SUCLG2: variants seen among roughly 807,000 people sequenced by gnomAD.
SUCLG2 encodes the protein succinate-CoA ligase GDP-forming subunit beta, also known as succinate--CoA ligase [GDP-forming] subunit beta, mitochondrial.
In SUCLG2, 42 loss-of-function variants were observed where a neutral mutation model predicts 47.9. That is an observed-to-expected ratio of 0.88 (90% CI 0.69 to 1.14). SUCLG2 has a LOEUF of 1.14. SUCLG2 is among the 50% of genes most tolerant of loss of function. The pLI, the probability that SUCLG2 is intolerant of heterozygous loss-of-function variation, is 0.00. For synonymous variants in SUCLG2, 195 were observed against 197.3 expected (o/e 0.99, Z 0.10); for missense variants, 571 against 525.9 (o/e 1.09, Z -0.84).
At chr3:67,376,327 C>A (rs1702034607) in intron 10 of SUCLG2, 2 of 985,304 alleles carry the variant, frequency 2.0e-6, no homozygotes, top group African/African-American at 3.5e-5. Context: ...CTTCTCCTCA[C>A]TCTATAAAAT....
chr3:67,626,530 C>A (rs1430525570), intron 1 of SUCLG2, among the ~76,000 whole-genome samples: 1 of 152,050 alleles, frequency 6.6e-6, no homozygotes, highest in Non-Finnish European at 1.5e-5. Flanking sequence ...AATGATGAAA[C>A]AACACAGACC....
intron 10 of SUCLG2, among the ~76,000 whole-genome samples, chr3:67,377,488 C>T (rs1179817321): frequency 6.6e-6 from 1 of 152,244 alleles, no homozygotes; most frequent in Non-Finnish European, 1.5e-5. Context: ...CCAGGCCCCC[C>T]TGCATCTCGA....
rs373337412 is a variant in SUCLG2 at position 67,426,568 on chromosome 3, C to T, written c.1063-25717G>A. On this transcript the variant is annotated intron_variant, in intron 9 of 10. Transcript: ENST00000307227. Reference sequence around the variant, plus strand: ...ATATTCAAGAAAATAAACTTTTCTCCAGTATTGAAATGTCTCATTTATAAA... The same window carrying T: ...ATATTCAAGAAAATAAACTTTTCTCTAGTATTGAAATGTCTCATTTATAAA... 1.3e-5 allele frequency among the ~76,000 whole-genome samples: 2 copies of T among 152,184 alleles called. 1 individual carries two copies. Among genetic ancestry groups the T allele is most frequent in the African/African-American group, 4.8e-5 (2 of 41,502 alleles).
At chr3:67,465,966 A>T (rs1704459006) in intron 9 of SUCLG2, among the ~76,000 whole-genome samples, 2 of 152,036 alleles carry the variant, frequency 1.3e-5, no homozygotes, top group Admixed American at 1.3e-4. Flanking sequence ...AAGAATCAGG[A>T]CCCAGCTGTA....
At chr3:67,653,841 C>A (rs1701330712) in intron 1 of SUCLG2, among the ~76,000 whole-genome samples, 1 of 152,216 alleles carries the variant, frequency 6.6e-6, no homozygotes, top group Non-Finnish European at 1.5e-5. Context: ...CCACCACTGA[C>A]CCTCTTTGAT....
intron 7 of SUCLG2, among the ~76,000 whole-genome samples, chr3:67,499,072 G>A (rs1705426209): frequency 6.6e-6 from 1 of 152,118 alleles, no homozygotes; most frequent in South Asian, 2.1e-4. Flanking sequence ...CATATATTGA[G>A]GGACAACTGT....
rs576132472 is a variant in SUCLG2 at position 67,532,544 on chromosome 3, G to A, written c.227-3358C>T. Among the ~76,000 whole-genome samples, 28 of 152,242 alleles carry A rather than the reference G, an allele frequency of 1.8e-4. No homozygotes were observed. The South Asian group carries it at 1.9e-3, about 10-fold the overall frequency. ...TTGCTCTTAATTGCTATTTTTATACGCAGTAGCCTAAGTATGCAACGTCTT... is the reference window on the plus strand; with the variant it reads ...TTGCTCTTAATTGCTATTTTTATACACAGTAGCCTAAGTATGCAACGTCTT... On this transcript the variant is annotated intron_variant, in intron 2 of 10. Coordinates refer to ENST00000307227, the MANE Select transcript of SUCLG2 (RefSeq NM_003848.4).
chr3:67,593,838 C>T (rs1283371559), intron 2 of SUCLG2, among the ~76,000 whole-genome samples: 2 of 152,178 alleles, frequency 1.3e-5, no homozygotes, highest in Non-Finnish European at 2.9e-5. Context: ...AAATCACTAG[C>T]CCCAATTCCT....
At chr3:67,402,914 C>G (rs1012181915) in intron 9 of SUCLG2, among the ~76,000 whole-genome samples, 1 of 152,114 alleles carries the variant, frequency 6.6e-6, no homozygotes, top group Admixed American at 6.5e-5. Flanking sequence ...GTGAATTCAC[C>G]TAAACAGGCA....
At chr3:67,641,250 A>G (rs1248595109) in intron 1 of SUCLG2, among the ~76,000 whole-genome samples, 1 of 152,198 alleles carries the variant, frequency 6.6e-6, no homozygotes, top group African/African-American at 2.4e-5. Flanking sequence ...TCTCAAATCC[A>G]ACACCAGCAA....
chr3:67,397,115 G>C (rs770402165), intron 10 of SUCLG2, among the ~76,000 whole-genome samples: 24 of 151,634 alleles, frequency 1.6e-4, no homozygotes, highest in Middle Eastern at 6.8e-3. Context: ...ACTGGCACAA[G>C]ACAGGGATGC....
intron 10 of SUCLG2, among the ~76,000 whole-genome samples, chr3:67,386,299 G>C (rs1389328149): frequency 2.7e-5 from 4 of 149,176 alleles, no homozygotes; most frequent in African/African-American, 9.9e-5. Flanking sequence ...GGGTTTCACC[G>C]TGTTAGCCAG....
Position 67,375,596 on chromosome 3 carries a change from G to C in SUCLG2, c.*148C>G, listed in dbSNP as rs1179055832. On this transcript the variant is annotated 3_prime_UTR_variant, in exon 11 of 11. Coordinates refer to ENST00000307227, the MANE Select transcript of SUCLG2 (RefSeq NM_003848.4). Reference sequence around the variant, plus strand: ...TAGGCTGTCTAGATATCTTATTCCAGAAAACACAGATTTAAGATTTTTCAG... The same window carrying C: ...TAGGCTGTCTAGATATCTTATTCCACAAAACACAGATTTAAGATTTTTCAG... 1 of 1,426,996 alleles carries C rather than the reference G, an allele frequency of 7.0e-7. No homozygotes were observed. The highest frequency in any genetic ancestry group is 1.4e-5 in the African/African-American group (1 of 69,306). 88.4% of individuals were successfully genotyped at this position (1,426,996 alleles called of 1,614,324 possible).
At chr3:67,625,334 C>A (rs904238421) in intron 1 of SUCLG2, among the ~76,000 whole-genome samples, 1 of 152,136 alleles carries the variant, frequency 6.6e-6, no homozygotes, top group Non-Finnish European at 1.5e-5. Flanking sequence ...ACCACCATGA[C>A]CTTACAAGTT....
intron 9 of SUCLG2, among the ~76,000 whole-genome samples, chr3:67,428,470 G>A (rs1442701031): frequency 6.6e-6 from 1 of 152,168 alleles, no homozygotes. Flanking sequence ...ACCAAAGGTA[G>A]ATAAAACCAC....
At chr3:67,609,707 G>T in intron 1 of SUCLG2, 111 bp from the exon 2 acceptor site, 1 of 985,038 alleles carries the variant, frequency 1.0e-6, no homozygotes, top group Non-Finnish European at 1.4e-6. Flanking sequence ...CTGCAACCCA[G>T]AGTTGAGAGA....
At chr3:67,638,172 T>G (rs1701039569) in intron 1 of SUCLG2, among the ~76,000 whole-genome samples, 1 of 152,234 alleles carries the variant, frequency 6.6e-6, no homozygotes. Context: ...GACAAACTTC[T>G]CAACCTCTCT....
intron 9 of SUCLG2, among the ~76,000 whole-genome samples, chr3:67,426,614 T>A (rs1703306945): frequency 6.6e-6 from 1 of 152,186 alleles, no homozygotes; most frequent in Non-Finnish European, 1.5e-5. Context: ...CTTAATAGCA[T>A]GACACTCTTT....
At chr3:67,601,684 A>AG (rs1708420927) in intron 2 of SUCLG2, among the ~76,000 whole-genome samples, 1 of 152,192 alleles carries the variant, frequency 6.6e-6, no homozygotes, top group South Asian at 2.1e-4. Context: ...CTTTAAAAAA[A>AG]CAAGTCGGCC....
Sources: allele counts gnomAD v4.1 joint callset (sites outside exome capture counted in the v4.1 genomes callset), GRCh38; gene constraint gnomAD v4.1.1; transcripts MANE v1.5; gene names NCBI Gene and HGNC (gene_info 2026-07-23, HGNC 2026-07-21).